RBFOX3: variants seen among roughly 807,000 people sequenced by gnomAD.
The protein encoded by RBFOX3 is RNA binding protein fox-1 homolog 3.
Under a neutral mutation model 48.7 loss-of-function variants are expected in RBFOX3, and 17 were observed. That is an observed-to-expected ratio of 0.35 (90% CI 0.24 to 0.52). The LOEUF (loss-of-function observed/expected upper bound fraction) is 0.52. Ranked by LOEUF, RBFOX3 falls within the 20% of genes least tolerant of loss-of-function variation. The pLI, the probability that RBFOX3 is intolerant of heterozygous loss-of-function variation, is 0.94. For missense variants in RBFOX3, 382 were observed against 497.5 expected (o/e 0.77, Z 2.21); for synonymous variants, 212 against 209.5 (o/e 1.01, Z -0.10).
chr17:79,230,082 A>C (rs1323009684), intron 4 of RBFOX3, among the ~76,000 whole-genome samples: 1 of 152,134 alleles, frequency 6.6e-6, no homozygotes, highest in African/African-American at 2.4e-5. Context: ...CTCCTCAGCT[A>C]TTCTCACTGG....
intron 4 of RBFOX3, among the ~76,000 whole-genome samples, chr17:79,138,020 C>A (rs1412672268): frequency 6.6e-6 from 1 of 152,200 alleles, no homozygotes; most frequent in Non-Finnish European, 1.5e-5. Context: ...CCCAGGCAGC[C>A]CGCCCCCGCC....
In RBFOX3 at chr17:79,204,534, G is replaced by T. The variant is rs1156392659; in HGVS notation, c.-34+31232C>A. Among the ~76,000 whole-genome samples, 1 of 152,164 alleles carries T rather than the reference G, an allele frequency of 6.6e-6. No individual in the cohort carries two copies. Among genetic ancestry groups the T allele is most frequent in the Non-Finnish European group, 1.5e-5 (1 of 68,036 alleles). On this transcript the variant is annotated intron_variant, in intron 4 of 14. Transcript: ENST00000693108. The surrounding 1 kb of genome is among the most constrained non-coding windows in gnomAD (Gnocchi z 4.5). ...GAGGTCGACGCGCTGGAACTACTTT[G>T]GTGGAGTATTAAAGAAGGGGTCCGA...
intron 4 of RBFOX3, among the ~76,000 whole-genome samples, chr17:79,143,062 T>A (rs1404430878): frequency 9.2e-5 from 14 of 152,160 alleles, no homozygotes. Flanking sequence ...GCTTCCCATC[T>A]GTAAAGGGGA....
intron 2 of RBFOX3, among the ~76,000 whole-genome samples, chr17:79,325,591 A>G (rs1471796773): frequency 6.6e-6 from 1 of 152,170 alleles, no homozygotes; most frequent in African/African-American, 2.4e-5. Flanking sequence ...AGGTCACTCA[A>G]AGCCACCTCT....
intron 2 of RBFOX3, among the ~76,000 whole-genome samples, chr17:79,321,400 T>C (rs1240217733): frequency 6.6e-6 from 1 of 152,230 alleles, no homozygotes; most frequent in African/African-American, 2.4e-5. Flanking sequence ...AACGTTCAGC[T>C]AGACCCCTCC....
At chr17:79,446,465 G>A (rs1158389359) in intron 2 of RBFOX3, among the ~76,000 whole-genome samples, 1 of 152,186 alleles carries the variant, frequency 6.6e-6, no homozygotes, top group Admixed American at 6.5e-5. Flanking sequence ...CCAGAGGTGA[G>A]GCTCAGACAT....
chr17:79,104,789 GGGA>G (rs919528653), intron 6 of RBFOX3, among the ~76,000 whole-genome samples: 8 of 152,114 alleles, frequency 5.3e-5, no homozygotes, highest in African/African-American at 1.9e-4. Context: ...CCCTGAGATG[GGGA>G]GGAGGTTGGG....
intron 1 of RBFOX3, among the ~76,000 whole-genome samples, chr17:79,486,278 AT>A (rs1568331130): frequency 6.6e-6 from 1 of 152,112 alleles, no homozygotes; most frequent in East Asian, 1.9e-4. Flanking sequence ...ACAGCCTACC[AT>A]TCCCCCACTT....
At chr17:79,172,965 TTGGGAGGCCGAGG>T (rs2049679270) in intron 4 of RBFOX3, among the ~76,000 whole-genome samples, 1 of 152,196 alleles carries the variant, frequency 6.6e-6, no homozygotes, top group East Asian at 1.9e-4. Context: ...TTCCAGCACT[TTGGGAGGCCGAGG>T]TGGGTGGATC....
At chr17:79,517,802 G>GAC (rs1234659236) in intron 1 of RBFOX3, among the ~76,000 whole-genome samples, 1 of 152,156 alleles carries the variant, frequency 6.6e-6, no homozygotes, top group Non-Finnish European at 1.5e-5. Context: ...CCGCTTCTGA[G>GAC]ACACATGATC....
At chr17:79,294,694 T>A (rs963437965) in intron 3 of RBFOX3, among the ~76,000 whole-genome samples, 9 of 152,122 alleles carry the variant, frequency 5.9e-5, no homozygotes, top group Non-Finnish European at 1.2e-4. Flanking sequence ...TGGGAGACGC[T>A]GCCAGCCACG....
rs936029145 is a variant in RBFOX3, at chr17:79,103,875, C to T, written c.414+198G>A. Reference sequence around the variant, plus strand: ...GTCCTGGTGGCTCAGAAAGAAAAAGCGGCAGCGGCAGCAACAACACAGACA... The same window carrying T: ...GTCCTGGTGGCTCAGAAAGAAAAAGTGGCAGCGGCAGCAACAACACAGACA... On this transcript the variant is annotated intron_variant, in intron 7 of 14. Transcript: ENST00000693108. This position sits in a 1 kb window ranked among gnomAD's most constrained non-coding sequence, Gnocchi z 6.1. 1.6e-5 allele frequency among the ~76,000 whole-genome samples: 2 copies of T among 124,420 alleles called. No homozygotes were observed. The highest frequency in any genetic ancestry group is 1.1e-4 in the Admixed American group (1 of 9,390). The allele number at this position is 124,420 out of a possible 152,430, so 81.6% of individuals were successfully genotyped here. A position where few individuals can be genotyped will look rare whatever the true frequency, so the allele number is the denominator to read the frequency against.
intron 1 of RBFOX3, among the ~76,000 whole-genome samples, chr17:79,578,225 G>A (rs1031653959): frequency 5.3e-4 from 81 of 152,394 alleles, no homozygotes; most frequent in Non-Finnish European, 9.1e-4. Flanking sequence ...CACAAAGCCC[G>A]GGGAAATCAG....
rs2057189987 is a variant in RBFOX3 at position 79,204,213 on chromosome 17, C to A, written c.-34+31553G>T. Among the ~76,000 whole-genome samples the A allele has an allele frequency of 6.6e-6, 1 of 152,160 alleles. No homozygotes were observed. On this transcript the variant is annotated intron_variant, in intron 4 of 14. Transcript: ENST00000693108. The surrounding 1 kb of genome is among the most constrained non-coding windows in gnomAD (Gnocchi z 4.5). ...GGCCAAGGGGGCAACAGCCCCAGCT[C>A]AGGAAGAAAACAGCCACACACCCAA...
intron 2 of RBFOX3, among the ~76,000 whole-genome samples, chr17:79,400,410 T>G (rs2062644999): frequency 6.6e-6 from 1 of 152,192 alleles, no homozygotes; most frequent in African/African-American, 2.4e-5. Flanking sequence ...ACACGGCGTT[T>G]TTGTCTTCCT....
intron 1 of RBFOX3, among the ~76,000 whole-genome samples, chr17:79,483,305 C>T (rs1231880202): frequency 1.3e-5 from 2 of 151,740 alleles, no homozygotes; most frequent in Admixed American, 1.3e-4. Context: ...TCCTAGTATA[C>T]TCCCTCTCTC....
At chr17:79,112,421 C>T (rs998634584) in intron 5 of RBFOX3, among the ~76,000 whole-genome samples, 9 of 152,244 alleles carry the variant, frequency 5.9e-5, no homozygotes, top group South Asian at 2.1e-4. Flanking sequence ...AAACCCTCCT[C>T]GGGGGAGGAG....
At chr17:79,566,052 C>T (rs1395960748) in intron 1 of RBFOX3, among the ~76,000 whole-genome samples, 5 of 152,132 alleles carry the variant, frequency 3.3e-5, no homozygotes, top group African/African-American at 9.7e-5. Context: ...GCACTCTCAC[C>T]AATCCTTCCA....
chr17:79,137,518 G>A (rs538658942), intron 4 of RBFOX3, among the ~76,000 whole-genome samples: 1 of 152,314 alleles, frequency 6.6e-6, no homozygotes, highest in East Asian at 1.9e-4. Context: ...CAGTGCACCT[G>A]CACACCTACA....
Sources: allele counts gnomAD v4.1 joint callset (sites outside exome capture counted in the v4.1 genomes callset), GRCh38; gene constraint gnomAD v4.1.1; non-coding constraint Gnocchi (gnomAD v3.1); transcripts MANE v1.5; gene names NCBI Gene and HGNC (gene_info 2026-07-23, HGNC 2026-07-21).